The following TPM3 variants were observed in gnomAD, a reference collection of about 807,000 sequenced individuals.
TPM3 encodes tropomyosin alpha-3 chain.
Under a neutral mutation model 43.1 loss-of-function variants are expected in TPM3, and 16 were observed. The observed-to-expected ratio is 0.37, with a 90% CI of 0.25 to 0.56. The LOEUF is 0.56. Among genes scored for constraint, TPM3 ranks in the 20% least tolerant of loss-of-function variants. The probability of loss-of-function intolerance (pLI) is 0.77; values close to 1 mark genes in which losing one functional copy is unlikely to be tolerated. For synonymous variants in TPM3, 101 were observed against 116.9 expected (o/e 0.86, Z 0.88); for missense variants, 176 against 337.2 (o/e 0.52, Z 3.74).
rs1412995272 is a variant in TPM3, at chr1:154,173,262, C to A, written c.378-61G>T. 28 of 1,390,308 alleles carry A rather than the reference C, an allele frequency of 2.0e-5. No individual in the cohort carries two copies. The East Asian group carries it at 5.7e-4, about 28-fold the overall frequency. 86.1% of individuals were successfully genotyped at this position (1,390,308 alleles called of 1,614,324 possible). On this transcript the variant is annotated intron_variant, in intron 3 of 9. Coordinates refer to ENST00000651641, the MANE Select transcript of TPM3 (RefSeq NM_152263.4). The stretch of plus-strand genomic sequence containing the variant: ...TGAGGAGTGTGTCGTCAGCTCCACT[C>A]CAAGGGTCTCAGAACTGTACTTTTA...
intron 5 of TPM3, chr1:154,172,249 G>A: frequency 4.9e-6 from 4 of 822,306 alleles, no homozygotes; most frequent in Non-Finnish European, 8.7e-6. Context: ...GTCATGATAT[G>A]TTATGTCTGG....
downstream of TPM3, chr1:154,155,703 C>G (rs1003262811): frequency 8.7e-6 from 2 of 228,690 alleles, no homozygotes; most frequent in African/African-American, 4.4e-5. Flanking sequence ...TGGTTAAAAC[C>G]ACGCATTTAT....
chr1:154,182,244 T>C (rs879298558), intron 2 of TPM3, among the ~76,000 whole-genome samples: 5 of 152,214 alleles, frequency 3.3e-5, no homozygotes, highest in Admixed American at 6.5e-5. Context: ...CAAGTTTGGT[T>C]GGCTCCTACA....
intron 2 of TPM3, chr1:154,182,971 C>T (rs1228513346): frequency 1.2e-6 from 2 of 1,610,856 alleles, no homozygotes; most frequent in Non-Finnish European, 1.7e-6. Context: ...CCCTCATGAG[C>T]CTCACCATCT....
chr1:154,167,831 G>A lies in TPM3; in HGVS notation c.*106C>T. 4 of 1,611,328 alleles carry A rather than the reference G, an allele frequency of 2.5e-6. No homozygotes were observed. Among genetic ancestry groups the A allele is most frequent in the Admixed American group, 1.7e-5 (1 of 59,818 alleles). On this transcript the variant is annotated 3_prime_UTR_variant, in exon 10 of 10. Transcript: ENST00000651641. The stretch of plus-strand genomic sequence containing the variant: ...TTTTGCTCCCCCATCCTAATGCCTT[G>A]GGGACCAGCCAGGCTGACCCAAATG...
In TPM3 at chr1:154,163,977, C is replaced by T. The variant is rs1358643539; in HGVS notation, c.*3960G>A. Among the ~76,000 whole-genome samples the T allele has an allele frequency of 6.6e-6, 1 of 151,886 alleles. No individual in the cohort carries two copies. The highest frequency in any genetic ancestry group is 1.9e-4 in the East Asian group (1 of 5,160). On this transcript the variant is annotated 3_prime_UTR_variant, in exon 10 of 10. Transcript: ENST00000651641. ...ATTGTCCTTCATGGTTCTAATTTAC[C>T]TCCATGGCATAAACTACCTGTACCC...
At chr1:154,177,483 T>C (rs1490886427) in intron 2 of TPM3, among the ~76,000 whole-genome samples, 1 of 152,094 alleles carries the variant, frequency 6.6e-6, no homozygotes, top group Non-Finnish European at 1.5e-5. Context: ...TGCAGGTGGA[T>C]GGATAAATTC....
chr1:154,174,368 G>GTGTA lies in TPM3; in HGVS notation c.378-1168_378-1167insTACA, dbSNP rs1389219269. Among the ~76,000 whole-genome samples the GTGTA allele has an allele frequency of 2.5e-3, 117 of 46,372 alleles. 5 individuals carry two copies. Among genetic ancestry groups the GTGTA allele is most frequent in the South Asian group, 4.7e-3 (5 of 1,056 alleles). The allele number at this position is 46,372 out of a possible 152,430, so 30.4% of individuals were successfully genotyped here. On this transcript the variant is annotated intron_variant, in intron 3 of 9. Transcript: ENST00000651641. ...AAATAAATATTATTTAAATATATGT[G>GTGTA]TATATATATATATATATATATATAT...
rs2148295413 is a variant in TPM3 at position 154,191,941 on chromosome 1, A to C, written c.78T>G (p.Ala26=). The part of the protein sequence containing the change: ...KENALDRAEQ[A]EAEQKQAEER... ...CTTCTGCCTGCTTCTGCTCAGCTTC[A>C]GCTTGCTCTGCCCGATCCAGAGCAT... The change falls in exon 1 of 10, where the codon GCT becomes GCG. Residue 26 remains alanine, a synonymous_variant. Coordinates refer to ENST00000651641, the MANE Select transcript of TPM3 (RefSeq NM_152263.4). 6.2e-7 allele frequency: 1 copy of C among 1,613,904 alleles called. No individual in the cohort carries two copies. Among genetic ancestry groups the C allele is most frequent in the Admixed American group, 1.7e-5 (1 of 60,020 alleles).
At chr1:154,174,368 G>GTATATATA (rs34224787) in intron 3 of TPM3, among the ~76,000 whole-genome samples, 1,266 of 46,170 alleles carry the variant, frequency 0.027, 77 homozygotes, top group Non-Finnish European at 0.041. Flanking sequence ...AAATATATGT[G>GTATATATA]TATATATATA....
intron 5 of TPM3, chr1:154,171,745 G>C: frequency 3.2e-6 from 2 of 622,610 alleles, no homozygotes; most frequent in Non-Finnish European, 5.6e-6. Context: ...CCACTACCAG[G>C]AACAAGTCAT....
At chr1:154,171,121 C>G (rs1184223090) in intron 6 of TPM3, 4 of 574,892 alleles carry the variant, frequency 7.0e-6, no homozygotes, top group Non-Finnish European at 1.2e-5. Context: ...CTGTTGCCCC[C>G]ATCTGTCTGC....
chr1:154,175,985 G>T, intron 3 of TPM3, 130 bp downstream of exon 3: 1 of 1,474,264 alleles, frequency 6.8e-7, no homozygotes, highest in Non-Finnish European at 9.4e-7. Context: ...GTCCCAAAGT[G>T]CTGGGATTAC....
chr1:154,167,778 G>C lies in TPM3; in HGVS notation c.*159C>G. On this transcript the variant is annotated 3_prime_UTR_variant, in exon 10 of 10. Transcript: ENST00000651641. ...GCAGCTTAACATTTTAATTTGGGGT[G>C]GGGGTGGAAGAAAATACATAAGTTG... 6.5e-7 allele frequency: 1 copy of C among 1,544,278 alleles called. No homozygotes were observed. Among genetic ancestry groups the C allele is most frequent in the Non-Finnish European group, 8.7e-7 (1 of 1,143,908 alleles).
intron 1 of TPM3, 176 bp downstream of exon 1, chr1:154,191,726 A>G: frequency 6.4e-7 from 1 of 1,551,522 alleles, no homozygotes; most frequent in Non-Finnish European, 8.7e-7. Context: ...CAAGGTCACA[A>G]AGGCAGTCTG....
In TPM3 at chr1:154,163,854, T is replaced by C. The variant is rs966470412; in HGVS notation, c.*4083A>G. ...TTCAACGTGTCAGCCAGGATGGTCT[T>C]GATCTCCTGACCTCGTGATCCGCCC... On this transcript the variant is annotated 3_prime_UTR_variant, in exon 10 of 10. Coordinates refer to ENST00000651641, the MANE Select transcript of TPM3 (RefSeq NM_152263.4). Among the ~76,000 whole-genome samples, 9 of 152,042 alleles carry C rather than the reference T, an allele frequency of 5.9e-5. No homozygotes were observed. Among genetic ancestry groups the C allele is most frequent in the Admixed American group, 4.6e-4 (7 of 15,248 alleles).
intron 2 of TPM3, chr1:154,183,389 G>A: frequency 8.3e-7 from 1 of 1,208,018 alleles, no homozygotes; most frequent in Non-Finnish European, 1.1e-6. Flanking sequence ...ACTGGGACGG[G>A]GTTGGGACGA....
rs1172145950 is a variant in TPM3, at chr1:154,174,372, A to G, written c.378-1171T>C. Among the ~76,000 whole-genome samples the G allele has an allele frequency of 5.1e-3, 318 of 62,634 alleles. 16 individuals are homozygous for G. Among genetic ancestry groups the G allele is most frequent in the African/African-American group, 0.011 (122 of 11,198 alleles). The allele number at this position is 62,634 out of a possible 152,430, so 41.1% of individuals were successfully genotyped here. ...AAATATTATTTAAATATATGTGTAT[A>G]TATATATATATATATATATATATAT... On this transcript the variant is annotated intron_variant, in intron 3 of 9. Transcript: ENST00000651641.
Position 154,172,913 on chromosome 1 carries a change from T to G in TPM3, c.561A>C (p.Ala187=). 1 of 1,614,212 alleles carries G rather than the reference T, an allele frequency of 6.2e-7. No individual in the cohort carries two copies. Among genetic ancestry groups the G allele is most frequent in the South Asian group, 1.1e-5 (1 of 91,086 alleles). The change falls in exon 5 of 10, where the codon GCA becomes GCC. Residue 187 remains alanine (A), a synonymous_variant. Transcript: ENST00000651641. ...TTGGGGAGCTAGATACTCACGACTC[T>G]GCCAGCTCAGCTCGTTCCTCTGTGC... ...LERTEERAEL[A]ESKCSELEEE... is the part of the protein sequence containing the mutation.
Sources: gnomAD v4.1 joint callset for allele counts (sites outside exome capture counted in the v4.1 genomes callset) on GRCh38, gnomAD v4.1.1 for gene constraint, MANE v1.5 for transcripts, NCBI Gene and HGNC (gene_info 2026-07-23, HGNC 2026-07-21) for gene names.